Variants in ANK2 observed in about 807,000 individuals in gnomAD.
The protein encoded by ANK2 is ankyrin-2.
ANK2 carries 83 observed loss-of-function variants against 360.5 expected under a neutral mutation model. That is an observed-to-expected ratio of 0.23 (90% CI 0.19 to 0.28). The LOEUF (loss-of-function observed/expected upper bound fraction) is 0.28, where lower values mean the gene tolerates loss of function less well. Among genes scored for constraint, ANK2 ranks in the 10% least tolerant of loss-of-function variants. ANK2 has a pLI of 1.00. For synonymous variants in ANK2, 1,740 were observed against 1,759.5 expected, an observed-to-expected ratio of 0.99 and a Z score of 0.28; for missense variants, 4,201 against 4,795.7, an observed-to-expected ratio of 0.88 and a Z score of 3.66.
rs2048970422 is a variant in ANK2 at position 113,255,716 on chromosome 4, G to A, written c.991-19G>A. On this transcript the variant is annotated intron_variant, in intron 10 of 45. Coordinates refer to ENST00000357077, the MANE Select transcript of ANK2 (RefSeq NM_001148.6). Reference sequence around the variant, plus strand: ...TGAAAAAAAAAAAGGACATTATTTTGTTTTCTTTTAATGTGCAGAATGGGC... The same window carrying A: ...TGAAAAAAAAAAAGGACATTATTTTATTTTCTTTTAATGTGCAGAATGGGC... The A allele has an allele frequency of 1.9e-6, 3 of 1,609,782 alleles. No individual in the cohort carries two copies. In the South Asian group the frequency reaches 3.3e-5, roughly 18 times the overall value.
rs2095735927 is a variant in ANK2, at chr4:113,355,921, G to A, written c.7303G>A (p.Asp2435Asn). 1 of 1,614,078 alleles carries A rather than the reference G, an allele frequency of 6.2e-7. No homozygotes were observed. Among genetic ancestry groups the A allele is most frequent in the Non-Finnish European group, 8.5e-7 (1 of 1,179,970 alleles). Residue 2435 changes from aspartate (D) to asparagine (N), a missense_variant, in exon 38 of 46, where the codon GAC becomes AAC. This residue lies in a region of ANK2 where 2,642 missense variants were observed against 2,714.5 expected (regional missense o/e 0.97). Coordinates refer to ENST00000357077, the MANE Select transcript of ANK2 (RefSeq NM_001148.6). ...TGACTCATTAGCAGTGAGCCACAAAGACTCTCTGGAAGCCAGCCCTGTGCT... is the reference window on the plus strand; with the variant it reads ...TGACTCATTAGCAGTGAGCCACAAAAACTCTCTGGAAGCCAGCCCTGTGCT... The part of the protein sequence containing the change: ...ADDSLAVSHK[D>N]SLEASPVLED...
intron 1 of ANK2, among the ~76,000 whole-genome samples, chr4:112,874,062 A>G (rs1360102510): frequency 6.6e-6 from 1 of 151,016 alleles, no homozygotes; most frequent in Admixed American, 6.6e-5. Flanking sequence ...TCACACACAC[A>G]AAAGCTCTTG....
chr4:113,192,721 G>A (rs2098688395), intron 2 of ANK2, among the ~76,000 whole-genome samples: 1 of 151,952 alleles, frequency 6.6e-6, no homozygotes, highest in South Asian at 2.1e-4. Flanking sequence ...TATGTAAAAT[G>A]TAAAATATAA....
chr4:112,968,466 G>T (rs902698129), intron 2 of ANK2, among the ~76,000 whole-genome samples: 1 of 152,184 alleles, frequency 6.6e-6, no homozygotes, highest in Admixed American at 6.5e-5. Flanking sequence ...GGAACTCTGG[G>T]CCAGATTTTT....
intron 45 of ANK2, chr4:113,374,767 A>T: frequency 9.1e-7 from 1 of 1,100,844 alleles, no homozygotes; most frequent in African/African-American, 1.6e-5. Context: ...TCATTAGGTC[A>T]CTTTGTGTGA....
intron 1 of ANK2, among the ~76,000 whole-genome samples, chr4:113,136,554 T>C (rs765111512): frequency 1.3e-5 from 2 of 152,020 alleles, no homozygotes; most frequent in Non-Finnish European, 2.9e-5. Flanking sequence ...TGGTGGTGCA[T>C]GCTTGTAATC....
chr4:112,842,781 A>G (rs976360848), intron 1 of ANK2, among the ~76,000 whole-genome samples: 2 of 152,208 alleles, frequency 1.3e-5, no homozygotes, highest in Admixed American at 1.3e-4. Flanking sequence ...TAATCTATTA[A>G]GCAATTATAT....
chr4:113,330,344 C>T lies in ANK2; in HGVS notation c.2999C>T (p.Ala1000Val), dbSNP rs2153924411. The part of the protein sequence containing the change: ...RIIIPPRKCT[A>V]PTRVTCRLVK... ...ATTATTCCACCTCGGAAATGTACTG[C>T]TCCAACGCGAGTCACCTGCCGACTG... Residue 1000 changes from alanine to valine, a missense_variant, in exon 27 of 46, where the codon GCT (alanine) becomes GTT (valine). Ala to Val is a moderately conservative substitution (Grantham distance 64). Around this residue, in one of 4 missense-constraint regions of ANK2, gnomAD observed 1,268 missense variants for 1,650.8 expected, o/e 0.77. Coordinates refer to ENST00000357077, the MANE Select transcript of ANK2 (RefSeq NM_001148.6). 2 of 1,614,228 alleles carry T rather than the reference C, an allele frequency of 1.2e-6. No individual in the cohort carries two copies. Among genetic ancestry groups the T allele is most frequent in the South Asian group, 1.1e-5 (1 of 91,090 alleles).
chr4:112,731,316 T>TA, the ANK2 span, among the ~76,000 whole-genome samples: 8 of 146,210 alleles, frequency 5.5e-5, no homozygotes, highest in African/African-American at 2.0e-4. Flanking sequence ...AAAAAAAAGA[T>TA]AAATATGTGA....
At chr4:113,313,508 G>A (rs1055934570) in intron 24 of ANK2, among the ~76,000 whole-genome samples, 2 of 152,154 alleles carry the variant, frequency 1.3e-5, no homozygotes, top group African/African-American at 4.8e-5. Context: ...GTCTCCACTT[G>A]CATTTCTAGA....
At chr4:112,835,587 A>G (rs2060825863) in intron 1 of ANK2, among the ~76,000 whole-genome samples, 1 of 152,176 alleles carries the variant, frequency 6.6e-6, no homozygotes, top group Non-Finnish European at 1.5e-5. Flanking sequence ...TTATCATATG[A>G]TGATGGGGAA....
intron 1 of ANK2, among the ~76,000 whole-genome samples, chr4:112,840,128 T>C (rs992574645): frequency 6.6e-6 from 1 of 152,200 alleles, no homozygotes; most frequent in African/African-American, 2.4e-5. Flanking sequence ...AGGCTTTAGA[T>C]CAAACATCTC....
At chr4:113,166,607 GT>G (rs1337883125) in intron 1 of ANK2, among the ~76,000 whole-genome samples, 1 of 151,120 alleles carries the variant, frequency 6.6e-6, no homozygotes, top group East Asian at 1.9e-4. Flanking sequence ...TGTTTTTTTG[GT>G]TTTTTTCTTT....
intron 2 of ANK2, among the ~76,000 whole-genome samples, chr4:113,023,284 C>T (rs77247467): frequency 5.3e-5 from 8 of 152,262 alleles, no homozygotes; most frequent in East Asian, 1.9e-4. Context: ...GCCCTCATTT[C>T]GTTTCACAAA....
intron 2 of ANK2, among the ~76,000 whole-genome samples, chr4:112,953,726 C>A (rs905840810): frequency 3.3e-5 from 5 of 152,136 alleles, no homozygotes; most frequent in African/African-American, 9.7e-5. Context: ...AGAGGTAGTT[C>A]TTTTGCCTTG....
chr4:113,315,877 A>G (rs1291943254), intron 24 of ANK2, among the ~76,000 whole-genome samples: 1 of 139,574 alleles, frequency 7.2e-6, no homozygotes, highest in Non-Finnish European at 1.5e-5. Flanking sequence ...AGCCTGGGTG[A>G]CAGAGCGAGA....
At chr4:112,836,413 T>G (rs752668953) in intron 1 of ANK2, among the ~76,000 whole-genome samples, 1 of 152,176 alleles carries the variant, frequency 6.6e-6, no homozygotes, top group Non-Finnish European at 1.5e-5. Context: ...GGTACCAAGG[T>G]AGTGGGGCAC....
Position 113,130,047 on chromosome 4 carries a change from A to G in ANK2, c.85-44369A>G, listed in dbSNP as rs534805710. 2.6e-5 allele frequency among the ~76,000 whole-genome samples: 4 copies of G among 152,340 alleles called. No homozygotes were observed. The South Asian group carries it at 6.2e-4, about 24-fold the overall frequency. Reference sequence around the variant, plus strand: ...ACTAAGACATGCCATAAATCTGTGCAGGTATCTGTATAATATGCTGTTTCT... The same window carrying G: ...ACTAAGACATGCCATAAATCTGTGCGGGTATCTGTATAATATGCTGTTTCT... On this transcript the variant is annotated intron_variant, in intron 1 of 45. Coordinates refer to ENST00000357077, the MANE Select transcript of ANK2 (RefSeq NM_001148.6).
Position 113,358,407 on chromosome 4 carries a change from G to T in ANK2, c.9789G>T (p.Arg3263Ser), listed in dbSNP as rs765175059. 1.7e-5 allele frequency: 28 copies of T among 1,613,908 alleles called. No individual in the cohort carries two copies. The highest frequency in any genetic ancestry group is 1.6e-4 in the Middle Eastern group (1 of 6,082). Residue 3263 changes from arginine to serine, a missense_variant, in exon 38 of 46, where the codon AGG becomes AGT. By Grantham distance (110) the Arg-to-Ser change is moderately radical (BLOSUM62 -1). This residue lies in a region of ANK2 where 2,642 missense variants were observed against 2,714.5 expected (regional missense o/e 0.97). Transcript: ENST00000357077. ...QVQLDFSTLT[R>S]SVYSDRGDDS... ...AGTTAGATTTTTCCACACTCACCAG[G>T]TCTGTTTATTCAGATAGGGGTGATG...
Sources: gnomAD v4.1 joint callset for allele counts (sites outside exome capture counted in the v4.1 genomes callset) on GRCh38, gnomAD v4.1.1 for gene constraint, gnomAD v4.1.1 regional missense constraint, MANE v1.5 for transcripts, NCBI Gene and HGNC (gene_info 2026-07-23, HGNC 2026-07-21) for gene names.